NYAP2: variants seen among roughly 807,000 people sequenced by gnomAD.
The protein encoded by NYAP2 is neuronal tyrosine-phosphorylated phosphoinositide-3-kinase adapter 2.
NYAP2 carries 23 observed loss-of-function variants against 50.4 expected under a neutral mutation model. The ratio of observed to expected loss-of-function variants is 0.46; its 90% confidence interval spans 0.33 to 0.65. The LOEUF is 0.65. NYAP2 is among the 30% of genes least tolerant of loss of function. The pLI, the probability that NYAP2 is intolerant of heterozygous loss-of-function variation, is 0.02. For missense variants in NYAP2, 885 were observed against 861.0 expected, an observed-to-expected ratio of 1.03 and a Z score of -0.35; for synonymous variants, 394 against 365.2, an observed-to-expected ratio of 1.08 and a Z score of -0.90.
At chr2:225,618,237 G>A (rs767243870) in intron 5 of NYAP2, among the ~76,000 whole-genome samples, 46 of 152,302 alleles carry the variant, frequency 3.0e-4, no homozygotes, top group Middle Eastern at 3.4e-3. Flanking sequence ...GCACCCACAT[G>A]TCACCTTGAT....
At chr2:225,511,373 C>CACAGAGAGAG (rs376750469) in intron 3 of NYAP2, among the ~76,000 whole-genome samples, 1 of 117,838 alleles carries the variant, frequency 8.5e-6, no homozygotes, top group East Asian at 2.5e-4. Flanking sequence ...CACACACACA[C>CACAGAGAGAG]AGAGAGAGAG....
At chr2:225,620,488 C>T (rs567449891) in intron 5 of NYAP2, among the ~76,000 whole-genome samples, 9 of 151,074 alleles carry the variant, frequency 6.0e-5, no homozygotes, top group Non-Finnish European at 1.2e-4. Context: ...CGCACGCACG[C>T]ACACACACGC....
intron 3 of NYAP2, among the ~76,000 whole-genome samples, chr2:225,485,806 G>A (rs1362148541): frequency 6.6e-6 from 1 of 152,180 alleles, no homozygotes; most frequent in East Asian, 1.9e-4. Context: ...AAAAGCTTCA[G>A]AAGCCCTTAG....
chr2:225,470,806 T>C (rs1009008323), intron 3 of NYAP2, among the ~76,000 whole-genome samples: 8 of 141,866 alleles, frequency 5.6e-5, no homozygotes, highest in African/African-American at 2.5e-4. Flanking sequence ...TATATATGTA[T>C]GTATATGTGT....
At chr2:225,673,041 T>TA in the NYAP2 span, among the ~76,000 whole-genome samples, 3 of 151,732 alleles carry the variant, frequency 2.0e-5, no homozygotes, top group Non-Finnish European at 4.4e-5. Context: ...TTAATGGACT[T>TA]ACAGTTCCGC....
At chr2:225,430,355 G>T (rs78105380) in intron 3 of NYAP2, among the ~76,000 whole-genome samples, 5,893 of 152,148 alleles carry the variant, frequency 0.039, 386 homozygotes, top group African/African-American at 0.13. Flanking sequence ...ATTGGAATCT[G>T]CCCATGTTTT....
intron 4 of NYAP2, among the ~76,000 whole-genome samples, chr2:225,570,378 C>A (rs1692046883): frequency 6.6e-6 from 1 of 152,152 alleles, no homozygotes; most frequent in African/African-American, 2.4e-5. Flanking sequence ...TATATTTGTC[C>A]ATTCTCACAC....
intron 4 of NYAP2, among the ~76,000 whole-genome samples, chr2:225,518,948 G>T: frequency 6.6e-6 from 1 of 151,938 alleles, no homozygotes; most frequent in East Asian, 1.9e-4. Flanking sequence ...AACCCAGGAG[G>T]CAGAGATTGC....
chr2:225,586,983 G>A (rs1345375931), intron 5 of NYAP2, among the ~76,000 whole-genome samples: 1 of 152,162 alleles, frequency 6.6e-6, no homozygotes, highest in Non-Finnish European at 1.5e-5. Context: ...AAGGCGGAGG[G>A]GAAGCAAAGA....
rs150861879 is a variant in NYAP2 at position 225,454,488 on chromosome 2, G to A, written c.221+45387G>A. ...TGATATTAGCTTCAATTTTAGTTTAGTAGGCAGATTAAGGGCTCCCCAAAG... is the reference window on the plus strand; with the variant it reads ...TGATATTAGCTTCAATTTTAGTTTAATAGGCAGATTAAGGGCTCCCCAAAG... On this transcript the variant is annotated intron_variant, in intron 3 of 6. Coordinates refer to ENST00000636099, the Ensembl canonical transcript of NYAP2. Among the ~76,000 whole-genome samples the A allele has an allele frequency of 1.2e-3, 180 of 152,246 alleles. No individual in the cohort carries two copies. In the East Asian group the frequency reaches 0.027, roughly 23 times the overall value.
At chr2:225,507,833 G>A (rs187218872) in intron 3 of NYAP2, among the ~76,000 whole-genome samples, 2 of 152,310 alleles carry the variant, frequency 1.3e-5, no homozygotes, top group Admixed American at 6.5e-5. Context: ...CCAGTTTGAC[G>A]GGGCCAATGC....
chr2:225,466,295 CT>C (rs1163011619), intron 3 of NYAP2, among the ~76,000 whole-genome samples: 3 of 152,116 alleles, frequency 2.0e-5, no homozygotes, highest in African/African-American at 7.2e-5. Context: ...GAATTCTTTG[CT>C]TTTGTTCATT....
exon 3 of NYAP2, chr2:225,408,996 C>A (rs368820040): frequency 6.2e-7 from 1 of 1,611,934 alleles, no homozygotes; most frequent in Non-Finnish European, 8.5e-7. Context: ...ATTCAGAATG[C>A]GTCAGATATT....
At chr2:225,444,384 G>A (rs1480657795) in intron 3 of NYAP2, among the ~76,000 whole-genome samples, 1 of 152,088 alleles carries the variant, frequency 6.6e-6, no homozygotes, top group East Asian at 1.9e-4. Flanking sequence ...TGCTTCCAGT[G>A]GGAATTTAAG....
At chr2:225,421,997 A>T (rs1050240959) in intron 3 of NYAP2, among the ~76,000 whole-genome samples, 9 of 151,784 alleles carry the variant, frequency 5.9e-5, no homozygotes, top group African/African-American at 2.2e-4. Flanking sequence ...CATTTATTTC[A>T]TTTAAATGAC....
chr2:225,476,261 A>C (rs1690104029), intron 3 of NYAP2, among the ~76,000 whole-genome samples: 1 of 152,054 alleles, frequency 6.6e-6, no homozygotes, highest in African/African-American at 2.4e-5. Flanking sequence ...AAAATACAAA[A>C]AATTAGCCAG....
intron 2 of NYAP2, among the ~76,000 whole-genome samples, chr2:225,402,066 C>T (rs1694872085): frequency 6.6e-6 from 1 of 151,890 alleles, no homozygotes; most frequent in Non-Finnish European, 1.5e-5. Flanking sequence ...AAATGTGGTC[C>T]ACAAATGCAG....
chr2:225,513,232 G>A (rs1277176689), intron 3 of NYAP2, 139 bp from the exon 4 acceptor site: 1 of 763,566 alleles, frequency 1.3e-6, no homozygotes, highest in East Asian at 2.7e-5. Flanking sequence ...TGCTACTTGA[G>A]TTTGTTTTAA....
intron 3 of NYAP2, among the ~76,000 whole-genome samples, chr2:225,466,497 C>T (rs1454141195): frequency 1.3e-5 from 2 of 152,168 alleles, no homozygotes; most frequent in African/African-American, 4.8e-5. Flanking sequence ...CAGGTGTGAG[C>T]TTTGCTCTGC....
Sources: gnomAD v4.1 joint callset for allele counts (sites outside exome capture counted in the v4.1 genomes callset) on GRCh38, gnomAD v4.1.1 for gene constraint, MANE v1.5 for transcripts, NCBI Gene and HGNC (gene_info 2026-07-23, HGNC 2026-07-21) for gene names.